The following TPM3 variants were observed in gnomAD, a reference collection of about 807,000 sequenced individuals.
TPM3 encodes tropomyosin alpha-3 chain.
In TPM3, 16 loss-of-function variants were observed where a neutral mutation model predicts 43.1. That is an observed-to-expected ratio of 0.37 (90% CI 0.25 to 0.56). The LOEUF (loss-of-function observed/expected upper bound fraction) is 0.56, where lower values mean the gene tolerates loss of function less well. TPM3 is among the 20% of genes least tolerant of loss of function. The pLI is 0.77. For missense variants in TPM3, 176 were observed against 337.2 expected (o/e 0.52, Z 3.74); for synonymous variants, 101 against 116.9 (o/e 0.86, Z 0.88).
intron 2 of TPM3, among the ~76,000 whole-genome samples, chr1:154,182,695 G>A (rs1347458600): frequency 6.6e-6 from 1 of 152,066 alleles, no homozygotes; most frequent in African/African-American, 2.4e-5. Flanking sequence ...GCCGCGCCCG[G>A]ATCGGAGGCA....
intron 2 of TPM3, among the ~76,000 whole-genome samples, chr1:154,190,608 T>C (rs965576535): frequency 6.6e-6 from 1 of 152,216 alleles, no homozygotes; most frequent in African/African-American, 2.4e-5. Flanking sequence ...ACTCTGTCAC[T>C]GTAGGGATCT....
rs1178387932 is a variant in TPM3 at position 154,163,658 on chromosome 1, G to C, written c.*4279C>G. Among the ~76,000 whole-genome samples the C allele has an allele frequency of 1.3e-5, 2 of 151,800 alleles. No individual in the cohort carries two copies. The highest frequency in any genetic ancestry group is 4.8e-5 in the African/African-American group (2 of 41,326). ...CATTGTTTAATTTTTTTTTGAGACA[G>C]AGTCTTGCTCTGTCACCCAGGCTGG... On this transcript the variant is annotated 3_prime_UTR_variant, in exon 10 of 10. Coordinates refer to ENST00000651641, the MANE Select transcript of TPM3 (RefSeq NM_152263.4).
At chr1:154,176,806 TGA>T (rs1490060311) in intron 2 of TPM3, among the ~76,000 whole-genome samples, 4 of 151,728 alleles carry the variant, frequency 2.6e-5, no homozygotes, top group African/African-American at 9.7e-5. Flanking sequence ...GGTGAAACCC[TGA>T]CTCTAATAAA....
At position 154,171,754 on chromosome 1, in the gene TPM3, A is replaced by G. The variant is rs1324129757; in HGVS notation, c.567-266T>C. 6 of 621,948 alleles carry G rather than the reference A, an allele frequency of 9.6e-6. No individual in the cohort carries two copies. The East Asian group carries it at 1.4e-4, about 14-fold the overall frequency. The allele number at this position is 621,948 out of a possible 1,614,324, so 38.5% of individuals were successfully genotyped here. On this transcript the variant is annotated intron_variant, in intron 5 of 9. Coordinates refer to ENST00000651641, the MANE Select transcript of TPM3 (RefSeq NM_152263.4). ...AGAAATCCACTACCAGGAACAAGTC[A>G]TAACTGCTACCTGGGGTGGAGGTGG...
chr1:154,170,929 T>G, intron 6 of TPM3: 1 of 589,742 alleles, frequency 1.7e-6, no homozygotes, highest in Non-Finnish European at 3.0e-6. Context: ...TCTCCATGAC[T>G]TTTTAAGATG....
At chr1:154,191,093 T>C in intron 2 of TPM3, 93 bp downstream of exon 2, 1 of 1,597,424 alleles carries the variant, frequency 6.3e-7, no homozygotes, top group Middle Eastern at 1.7e-4. Flanking sequence ...CTGTGTTCCA[T>C]GAACCCACAA....
At position 154,173,212 on chromosome 1, in the gene TPM3, T is replaced by C. The variant is rs374552223; in HGVS notation, c.378-11A>G. The C allele has an allele frequency of 3.7e-6, 6 of 1,611,496 alleles. No individual in the cohort carries two copies. The highest frequency in any genetic ancestry group is 5.1e-6 in the Non-Finnish European group (6 of 1,178,334). Reference sequence around the variant, plus strand: ...ATAACCTTCATACCTCTGCCAGAAATAGGACAAAAGCAATACTGACACCCT... The same window carrying C: ...ATAACCTTCATACCTCTGCCAGAAACAGGACAAAAGCAATACTGACACCCT... On this transcript the variant is annotated splice_polypyrimidine_tract_variant and intron_variant, in intron 3 of 9. Coordinates refer to ENST00000651641, the MANE Select transcript of TPM3 (RefSeq NM_152263.4).
chr1:154,157,182 C>T (rs952946122), downstream of TPM3: 10 of 300,876 alleles, frequency 3.3e-5, no homozygotes, highest in South Asian at 2.0e-4. Flanking sequence ...GTTTGGCTCT[C>T]GGTAAGGCAG....
At chr1:154,191,351 C>T in intron 1 of TPM3, 40 bp from the exon 2 acceptor site, 1 of 1,612,800 alleles carries the variant, frequency 6.2e-7, no homozygotes, top group Non-Finnish European at 8.5e-7. Context: ...AACACACAAA[C>T]ACAACAATGC....
chr1:154,171,582 T>C lies in TPM3; in HGVS notation c.567-94A>G, dbSNP rs191097255. On this transcript the variant is annotated intron_variant, in intron 5 of 9. Coordinates refer to ENST00000651641, the MANE Select transcript of TPM3 (RefSeq NM_152263.4). ...CACATAGACGTGAATTGAACCTATATGTAGAGAGAGTTGGAAGGCATACTG... is the reference window on the plus strand; with the variant it reads ...CACATAGACGTGAATTGAACCTATACGTAGAGAGAGTTGGAAGGCATACTG... 2,090 of 1,384,172 alleles carry C rather than the reference T, an allele frequency of 1.5e-3. 30 individuals carry two copies. In the African/African-American group the frequency reaches 0.028, roughly 19 times the overall value. 85.7% of individuals were successfully genotyped at this position (1,384,172 alleles called of 1,614,324 possible).
At position 154,166,667 on chromosome 1, in the gene TPM3, G is replaced by A. The variant is rs1294341575; in HGVS notation, c.*1270C>T. The A allele has an allele frequency of 9.8e-7, 1 of 1,024,884 alleles. No homozygotes were observed. The allele number at this position is 1,024,884 out of a possible 1,614,324, so 63.5% of individuals were successfully genotyped here. A position where few individuals can be genotyped will look rare whatever the true frequency, so the allele number is the denominator to read the frequency against. ...GCTATACTATTAAGAAATCTCTGCT[G>A]TGTAAATTGGAATGCGAATTCCTTT... On this transcript the variant is annotated 3_prime_UTR_variant, in exon 10 of 10. Transcript: ENST00000651641.
downstream of TPM3, chr1:154,158,814 T>C: frequency 1.5e-6 from 1 of 661,410 alleles, no homozygotes; most frequent in Non-Finnish European, 2.8e-6. Flanking sequence ...TTCACAATGC[T>C]GTTAGGAAAT....
downstream of TPM3, chr1:154,157,009 A>T: frequency 1.0e-5 from 2 of 200,456 alleles, no homozygotes; most frequent in Middle Eastern, 1.7e-3. Flanking sequence ...AATAAAAAAT[A>T]GAAATAACAT....
At chr1:154,176,838 G>A (rs1007988970) in intron 2 of TPM3, among the ~76,000 whole-genome samples, 4 of 151,714 alleles carry the variant, frequency 2.6e-5, no homozygotes, top group Admixed American at 2.6e-4. Context: ...AATTAGCCAG[G>A]TGTGGTGGCG....
chr1:154,169,641 C>T (rs1661361208), intron 8 of TPM3: 4 of 569,030 alleles, frequency 7.0e-6, no homozygotes, highest in Non-Finnish European at 1.3e-5. Context: ...ACTAGAAATT[C>T]CTATTACCAA....
chr1:154,157,472 A>G, downstream of TPM3: 1 of 734,686 alleles, frequency 1.4e-6, no homozygotes, highest in Non-Finnish European at 2.5e-6. Context: ...GGGAAGAGGC[A>G]GAGACAGTTT....
At chr1:154,171,347 T>C in intron 6 of TPM3, 66 bp downstream of exon 6, 13 of 1,550,380 alleles carry the variant, frequency 8.4e-6, no homozygotes, top group Non-Finnish European at 1.2e-5. Flanking sequence ...GTGTCTCCAG[T>C]CTTTCATCAA....
At chr1:154,174,368 G>GTGTGTATATATATA (rs1389219269) in intron 3 of TPM3, among the ~76,000 whole-genome samples, 3 of 46,350 alleles carry the variant, frequency 6.5e-5, no homozygotes, top group African/African-American at 2.0e-4. Context: ...AAATATATGT[G>GTGTGTATATATATA]TATATATATA....
At chr1:154,184,424 T>C (rs1221354536) in intron 2 of TPM3, among the ~76,000 whole-genome samples, 2 of 152,178 alleles carry the variant, frequency 1.3e-5, no homozygotes, top group Admixed American at 6.6e-5. Context: ...CTGGGCGTGG[T>C]AGCTCATGTC....
Sources: gnomAD v4.1 joint callset for allele counts (sites outside exome capture counted in the v4.1 genomes callset) on GRCh38, gnomAD v4.1.1 for gene constraint, MANE v1.5 for transcripts, NCBI Gene and HGNC (gene_info 2026-07-23, HGNC 2026-07-21) for gene names.